The following XPO6 variants were observed in gnomAD, a reference collection of about 807,000 sequenced individuals.
XPO6 encodes the protein exportin 6.
A neutral mutation model predicts 130.0 loss-of-function variants in XPO6; 3 were observed. That is an observed-to-expected ratio of 0.02 (90% CI 0.01 to 0.06). The LOEUF is 0.06. Among genes scored for constraint, XPO6 ranks in the 10% least tolerant of loss-of-function variants. The pLI is 1.00. For missense variants in XPO6, 970 were observed against 1,393.0 expected (o/e 0.70, Z 4.83); for synonymous variants, 524 against 548.9 (o/e 0.95, Z 0.63).
At chr16:28,145,499 A>G (rs918540256) in intron 9 of XPO6, among the ~76,000 whole-genome samples, 1 of 152,218 alleles carries the variant, frequency 6.6e-6, no homozygotes, top group Non-Finnish European at 1.5e-5. Context: ...AATACAACAA[A>G]AAGTGCAAAA....
intron 14 of XPO6, among the ~76,000 whole-genome samples, chr16:28,118,660 C>G (rs2087138076): frequency 6.6e-6 from 1 of 152,196 alleles, no homozygotes; most frequent in Non-Finnish European, 1.5e-5. Flanking sequence ...CCGGCCTAGC[C>G]TGTTAATCAC....
In XPO6 at chr16:28,135,252, C is replaced by T. The variant is rs374687882; in HGVS notation, c.1407G>A (p.Gln469=). The part of the protein sequence containing the change: ...NRIQFRYNQA[Q]LEELDDETLD... ...GAGTCTCATCATCCAACTCCTCCAG[C>T]TGGGCTTGGTTGTATCTGAACTGGA... The change falls in exon 10 of 24, where the codon CAG becomes CAA. Residue 469 remains glutamine, a synonymous_variant. Transcript: ENST00000304658. 1.9e-6 allele frequency: 3 copies of T among 1,613,890 alleles called. No individual in the cohort carries two copies. Among genetic ancestry groups the T allele is most frequent in the Non-Finnish European group, 1.7e-6 (2 of 1,179,948 alleles).
At position 28,131,486 on chromosome 16, in the gene XPO6, G is replaced by A. The variant is rs148966649; in HGVS notation, c.1606+848C>T. 1.2e-3 allele frequency among the ~76,000 whole-genome samples: 183 copies of A among 152,362 alleles called. 1 individual carries two copies. The highest frequency in any genetic ancestry group is 2.2e-3 in the Non-Finnish European group (153 of 68,028). The stretch of plus-strand genomic sequence containing the variant: ...GGAAGGGCAGTGAGAGTGGTGCATA[G>A]CAGCTGATGGGGCAGGGAGGACACA... On this transcript the variant is annotated intron_variant, in intron 12 of 23. Coordinates refer to ENST00000304658, the MANE Select transcript of XPO6 (RefSeq NM_015171.4).
chr16:28,124,524 C>T (rs1300001717), intron 13 of XPO6, among the ~76,000 whole-genome samples: 1 of 152,096 alleles, frequency 6.6e-6, no homozygotes, highest in East Asian at 1.9e-4. Context: ...ACAAACGCTA[C>T]GGTTTGGAAA....
intron 9 of XPO6, among the ~76,000 whole-genome samples, chr16:28,140,922 C>G (rs941346791): frequency 2.0e-5 from 3 of 152,072 alleles, no homozygotes; most frequent in Non-Finnish European, 2.9e-5. Flanking sequence ...GACAAAATTC[C>G]AAGTCAGGTA....
At chr16:28,186,833 G>A (rs780139103) in intron 1 of XPO6, among the ~76,000 whole-genome samples, 3 of 151,994 alleles carry the variant, frequency 2.0e-5, no homozygotes, top group Non-Finnish European at 4.4e-5. Context: ...CCATCACACC[G>A]CTCCAATTAT....
chr16:28,155,825 A>G, intron 7 of XPO6: 1 of 909,378 alleles, frequency 1.1e-6, no homozygotes, highest in Non-Finnish European at 1.5e-6. Flanking sequence ...GGAGGACAGG[A>G]GATGGATGGG....
intron 1 of XPO6, among the ~76,000 whole-genome samples, chr16:28,202,353 G>A (rs550318101): frequency 1.3e-5 from 2 of 152,326 alleles, no homozygotes; most frequent in Non-Finnish European, 2.9e-5. Flanking sequence ...TGGGGTTCAC[G>A]TGGCATGATC....
chr16:28,158,902 T>C (rs1402321495), intron 6 of XPO6, among the ~76,000 whole-genome samples: 2 of 152,132 alleles, frequency 1.3e-5, no homozygotes, highest in Non-Finnish European at 2.9e-5. Flanking sequence ...TATAAAATTA[T>C]TTTAGAGAAG....
intron 1 of XPO6, among the ~76,000 whole-genome samples, chr16:28,209,889 A>G (rs1039932546): frequency 6.6e-6 from 1 of 152,170 alleles, no homozygotes; most frequent in East Asian, 1.9e-4. Context: ...CTGTAATCCC[A>G]GCACTTTGGG....
At chr16:28,208,922 G>A (rs1463658653) in intron 1 of XPO6, 2 of 152,172 alleles carry the variant, frequency 1.3e-5, no homozygotes, top group Admixed American at 1.3e-4. Flanking sequence ...AATAGCCAAA[G>A]GGTGGAAGCA....
At chr16:28,117,610 C>A (rs941285606) in intron 14 of XPO6, 148 bp from the exon 15 acceptor site, 16 of 990,998 alleles carry the variant, frequency 1.6e-5, no homozygotes, top group East Asian at 2.6e-5. Context: ...TACCGGTTCA[C>A]GTAGAACCTA....
chr16:28,151,471 T>G (rs981631237), intron 8 of XPO6, among the ~76,000 whole-genome samples: 2 of 152,114 alleles, frequency 1.3e-5, no homozygotes, highest in Non-Finnish European at 2.9e-5. Flanking sequence ...AAAACATACA[T>G]TATGTGCTTT....
At position 28,104,644 on chromosome 16, in the gene XPO6, A is replaced by G. The variant is rs1254438751; in HGVS notation, c.2848T>C (p.Trp950Arg). 2 of 1,614,088 alleles carry G rather than the reference A, an allele frequency of 1.2e-6. No homozygotes were observed. The highest frequency in any genetic ancestry group is 3.3e-5 in the Admixed American group (2 of 60,008). ...ELLFRTLHHN[W>R]RYFFKSTVLA... ...ACGGTGGACTTGAAGAAGTACCTCC[A>G]GTTGTGATGGAGCGTCCGGAAAAGG... is the stretch of plus-strand genomic sequence containing the variant. Residue 950 changes from tryptophan to arginine, a missense_variant, in exon 21 of 24, where the codon TGG becomes CGG. Coordinates refer to ENST00000304658, the MANE Select transcript of XPO6 (RefSeq NM_015171.4).
At chr16:28,107,832 C>T (rs1179492288) in intron 17 of XPO6, among the ~76,000 whole-genome samples, 155 bp from the exon 18 acceptor site, 1 of 152,166 alleles carries the variant, frequency 6.6e-6, no homozygotes, top group Non-Finnish European at 1.5e-5. Flanking sequence ...AATATAAATT[C>T]TCCTCTCTTT....
chr16:28,112,924 C>T lies in XPO6; in HGVS notation c.2131G>A (p.Ala711Thr), dbSNP rs1406613948. The T allele has an allele frequency of 1.2e-6, 2 of 1,614,016 alleles. No homozygotes were observed. The highest frequency in any genetic ancestry group is 1.7e-6 in the Non-Finnish European group (2 of 1,179,936). ...CTCACCTTATCGACAAGTCGCAGGG[C>T]AGAGGCATCAGTGATTCTGTTGAAT... ...KVFNRITDAS[A>T]LRLVDKAQVL... Residue 711 changes from alanine to threonine, a missense_variant, in exon 16 of 24, where the codon GCC becomes ACC. Transcript: ENST00000304658.
At chr16:28,111,543 C>G (rs959181790) in intron 17 of XPO6, 12 of 360,194 alleles carry the variant, frequency 3.3e-5, no homozygotes, top group Admixed American at 1.3e-4. Context: ...GCACCATCAC[C>G]AGTGTCTTCC....
chr16:28,205,239 T>C lies in XPO6; in HGVS notation c.3+6127A>G, dbSNP rs531252667. 2.6e-5 allele frequency among the ~76,000 whole-genome samples: 4 copies of C among 152,334 alleles called. No individual in the cohort carries two copies. The South Asian group carries it at 6.2e-4, about 24-fold the overall frequency. On this transcript the variant is annotated intron_variant, in intron 1 of 23. Coordinates refer to ENST00000304658, the MANE Select transcript of XPO6 (RefSeq NM_015171.4). The stretch of plus-strand genomic sequence containing the variant: ...TGTGTACTACATGTATATGTGTACA[T>C]AGGTATGCATATAAAGCCCTAGAAA...
intron 4 of XPO6, among the ~76,000 whole-genome samples, chr16:28,170,293 T>C (rs975763929): frequency 3.3e-5 from 5 of 149,548 alleles, no homozygotes; most frequent in East Asian, 2.0e-4. Flanking sequence ...GATCGTGCCA[T>C]TGCATTCCAG....
Sources: allele counts gnomAD v4.1 joint callset (sites outside exome capture counted in the v4.1 genomes callset), GRCh38; gene constraint gnomAD v4.1.1; transcripts MANE v1.5; gene names NCBI Gene and HGNC (gene_info 2026-07-23, HGNC 2026-07-21).